The following RPH3A variants were observed in gnomAD, a reference collection of about 807,000 sequenced individuals.
RPH3A encodes rabphilin-3A.
In RPH3A, 48 loss-of-function variants were observed where a neutral mutation model predicts 102.2. The ratio of observed to expected loss-of-function variants is 0.47; its 90% CI spans 0.37 to 0.60. The LOEUF (loss-of-function observed/expected upper bound fraction) is 0.60. RPH3A is among the 20% of genes least tolerant of loss of function. The pLI is 0.00. For synonymous variants in RPH3A, 310 were observed against 324.3 expected (o/e 0.96, Z 0.47); for missense variants, 781 against 910.1 (o/e 0.86, Z 1.83).
At chr12:112,641,934 AT>A (rs1566239293) in intron 1 of RPH3A, among the ~76,000 whole-genome samples, 1 of 152,146 alleles carries the variant, frequency 6.6e-6, no homozygotes, top group African/African-American at 2.4e-5. Context: ...ACTGTGGGTT[AT>A]ATTATTTCTA....
intron 1 of RPH3A, among the ~76,000 whole-genome samples, chr12:112,639,893 T>C (rs2039874593): frequency 1.3e-5 from 2 of 152,244 alleles, no homozygotes; most frequent in East Asian, 1.9e-4. Flanking sequence ...AGGCACACAG[T>C]TGAATCCTCA....
chr12:112,730,406 T>C (rs1291091947), intron 1 of RPH3A, among the ~76,000 whole-genome samples: 2 of 152,222 alleles, frequency 1.3e-5, no homozygotes, highest in Admixed American at 6.5e-5. Flanking sequence ...TTGCCCAAGG[T>C]CATGCCTTTC....
At chr12:112,823,134 A>G (rs986854629) in intron 2 of RPH3A, among the ~76,000 whole-genome samples, 3 of 152,196 alleles carry the variant, frequency 2.0e-5, no homozygotes, top group Admixed American at 6.5e-5. Flanking sequence ...TTTGTCTCTG[A>G]GGCTGAGAGG....
chr12:112,727,120 C>T (rs779773748), intron 1 of RPH3A, among the ~76,000 whole-genome samples: 69 of 152,098 alleles, frequency 4.5e-4, no homozygotes, highest in Non-Finnish European at 9.0e-4. Flanking sequence ...AAGAAATCAG[C>T]GTTCACCTAT....
At chr12:112,890,742 C>G in intron 18 of RPH3A, 107 bp from the exon 19 acceptor site, 2 of 1,264,404 alleles carry the variant, frequency 1.6e-6, no homozygotes, top group Non-Finnish European at 2.2e-6. Context: ...CTCCCTAGAG[C>G]TGGCCAAGCT....
At chr12:112,840,461 C>T (rs548123198) in intron 4 of RPH3A, among the ~76,000 whole-genome samples, 1 of 152,242 alleles carries the variant, frequency 6.6e-6, no homozygotes, top group South Asian at 2.1e-4. Flanking sequence ...TACCCATTAA[C>T]CATCCTGACT....
At chr12:112,734,647 T>C (rs2040655856) in intron 1 of RPH3A, among the ~76,000 whole-genome samples, 2 of 152,204 alleles carry the variant, frequency 1.3e-5, no homozygotes, top group South Asian at 4.1e-4. Context: ...TATTTCTTGA[T>C]CATATGCTAA....
intron 1 of RPH3A, among the ~76,000 whole-genome samples, chr12:112,653,913 T>C (rs2039993490): frequency 6.6e-6 from 1 of 152,236 alleles, no homozygotes; most frequent in Non-Finnish European, 1.5e-5. Context: ...AACTTTTTTT[T>C]GTTAAAAACG....
At chr12:112,776,913 A>AG (rs1205214600) in intron 1 of RPH3A, among the ~76,000 whole-genome samples, 1 of 121,078 alleles carries the variant, frequency 8.3e-6, no homozygotes, top group Non-Finnish European at 1.7e-5. Context: ...AAAAAAAAAG[A>AG]AAGTGCAAGG....
At chr12:112,724,908 G>A (rs754884975) in intron 1 of RPH3A, among the ~76,000 whole-genome samples, 2 of 151,964 alleles carry the variant, frequency 1.3e-5, no homozygotes, top group Non-Finnish European at 2.9e-5. Context: ...GGTGGAGGTT[G>A]CAGTGAGCCA....
intron 1 of RPH3A, among the ~76,000 whole-genome samples, chr12:112,643,928 A>G (rs1055886095): frequency 6.6e-6 from 1 of 152,282 alleles, no homozygotes; most frequent in Non-Finnish European, 1.5e-5. Flanking sequence ...ATGGATAAAG[A>G]AAATGTAGTA....
intron 1 of RPH3A, among the ~76,000 whole-genome samples, chr12:112,622,721 C>G (rs1217459082): frequency 6.7e-6 from 1 of 149,480 alleles, no homozygotes; most frequent in African/African-American, 2.5e-5. Context: ...CACAAAGATA[C>G]TCCTCGAGAA....
chr12:112,719,575 G>T (rs189106969), intron 1 of RPH3A, among the ~76,000 whole-genome samples: 5 of 152,104 alleles, frequency 3.3e-5, no homozygotes, highest in African/African-American at 1.2e-4. Flanking sequence ...ATGAGGGCAG[G>T]GACCATATCT....
At chr12:112,691,008 C>G (rs1246541881) in intron 1 of RPH3A, among the ~76,000 whole-genome samples, 1 of 152,032 alleles carries the variant, frequency 6.6e-6, no homozygotes, top group Non-Finnish European at 1.5e-5. Context: ...CCCCCCGCCC[C>G]CGCACTGAAA....
chr12:112,612,794 T>C (rs2039649216), intron 1 of RPH3A, among the ~76,000 whole-genome samples: 1 of 151,920 alleles, frequency 6.6e-6, no homozygotes, highest in Non-Finnish European at 1.5e-5. Flanking sequence ...CAAGCTGGTT[T>C]TGAACTCCTG....
intron 1 of RPH3A, among the ~76,000 whole-genome samples, chr12:112,666,572 G>A (rs567251598): frequency 3.3e-5 from 5 of 152,234 alleles, no homozygotes; most frequent in East Asian, 3.9e-4. Flanking sequence ...GGAAATAAGC[G>A]GCAGGAAGAC....
At chr12:112,799,803 G>T (rs188080301) in intron 2 of RPH3A, among the ~76,000 whole-genome samples, 1 of 152,230 alleles carries the variant, frequency 6.6e-6, no homozygotes, top group Non-Finnish European at 1.5e-5. Flanking sequence ...TCTCAAACTT[G>T]AGCCTGCATC....
intron 4 of RPH3A, chr12:112,841,910 G>GTCTGTCTC: frequency 2.2e-6 from 1 of 455,716 alleles, no homozygotes; most frequent in Non-Finnish European, 4.4e-6. Context: ...CTCTCTGTCC[G>GTCTGTCTC]TCTGTCTCTC....
intron 1 of RPH3A, among the ~76,000 whole-genome samples, chr12:112,705,195 A>C (rs993257828): frequency 2.0e-5 from 3 of 152,208 alleles, no homozygotes; most frequent in African/African-American, 7.2e-5. Context: ...CCTTCTCTTT[A>C]AGGGCATGGC....
Sources: allele counts gnomAD v4.1 joint callset (sites outside exome capture counted in the v4.1 genomes callset), GRCh38; gene constraint gnomAD v4.1.1; transcripts MANE v1.5; gene names NCBI Gene and HGNC (gene_info 2026-07-23, HGNC 2026-07-21).